SRL: variants seen among roughly 807,000 people sequenced by gnomAD.
SRL encodes sarcalumenin.
A neutral mutation model predicts 39.5 loss-of-function variants in SRL; 23 were observed. The observed-to-expected ratio is 0.58, with a 90% CI of 0.42 to 0.82. SRL has a LOEUF of 0.82. Ranked by LOEUF, SRL falls within the 40% of genes least tolerant of loss-of-function variation. The pLI is 0.00. For missense variants in SRL, 592 were observed against 607.8 expected, an observed-to-expected ratio of 0.97 and a Z score of 0.27; for synonymous variants, 272 against 237.4, an observed-to-expected ratio of 1.15 and a Z score of -1.34.
chr16:4,204,275 C>CT (rs1386861698), intron 2 of SRL, among the ~76,000 whole-genome samples: 1 of 152,202 alleles, frequency 6.6e-6, no homozygotes, highest in Non-Finnish European at 1.5e-5. Flanking sequence ...AGGCCGTCTA[C>CT]TTGGATGGCC....
intron 1 of SRL, among the ~76,000 whole-genome samples, chr16:4,206,330 A>C (rs1179046930): frequency 1.3e-5 from 2 of 152,162 alleles, no homozygotes; most frequent in African/African-American, 4.8e-5. Context: ...GTCCTAGCCC[A>C]CTAAGGGAAT....
intron 1 of SRL, among the ~76,000 whole-genome samples, chr16:4,228,465 G>A (rs1426017679): frequency 6.6e-6 from 1 of 152,132 alleles, no homozygotes; most frequent in Non-Finnish European, 1.5e-5. Context: ...GCTGGACGCA[G>A]TGGCTCACAC....
intron 1 of SRL, chr16:4,207,978 T>C: frequency 2.2e-6 from 1 of 456,742 alleles, no homozygotes; most frequent in Middle Eastern, 3.3e-4. Context: ...CAGTTTCTTG[T>C]CTTGAGGGGC....
At chr16:4,226,379 T>C (rs2052589230) in intron 1 of SRL, among the ~76,000 whole-genome samples, 1 of 151,438 alleles carries the variant, frequency 6.6e-6, no homozygotes, top group African/African-American at 2.4e-5. Flanking sequence ...AATGGAAGGA[T>C]GGATGGATGA....
chr16:4,215,374 G>A (rs192409959), intron 1 of SRL, among the ~76,000 whole-genome samples: 1 of 152,262 alleles, frequency 6.6e-6, no homozygotes, highest in East Asian at 1.9e-4. Flanking sequence ...ATTCATCCAG[G>A]GAATCAGATA....
chr16:4,209,479 T>C (rs1597278950), intron 1 of SRL, among the ~76,000 whole-genome samples: 1 of 152,092 alleles, frequency 6.6e-6, no homozygotes, highest in South Asian at 2.1e-4. Flanking sequence ...ACCTATCTGC[T>C]GGATGCAGAC....
chr16:4,192,927 G>A lies in SRL; in HGVS notation c.648C>T (p.Asp216=). Residue 216 remains aspartate (D), a synonymous_variant, in exon 6 of 6, where the codon GAC becomes GAT. Coordinates refer to ENST00000399609, the MANE Select transcript of SRL (RefSeq NM_001098814.2). This position sits in a 1 kb window ranked among gnomAD's most constrained non-coding sequence, Gnocchi z 4.0. ...PFNDVCQWFI[D]RADLIFVVFD... is the part of the protein sequence containing the mutation. ...AGACGACAAAGATGAGGTCAGCTCT[G>A]TCGATGAACCACTGGCACACGTCGT... 1 of 1,613,452 alleles carries A rather than the reference G, an allele frequency of 6.2e-7. No individual in the cohort carries two copies. The highest frequency in any genetic ancestry group is 8.5e-7 in the Non-Finnish European group (1 of 1,179,712).
chr16:4,192,092 C>T lies in SRL; in HGVS notation c.*61G>A, dbSNP rs8051399. On this transcript the variant is annotated 3_prime_UTR_variant, in exon 6 of 6. Coordinates refer to ENST00000399609, the MANE Select transcript of SRL (RefSeq NM_001098814.2). The surrounding 1 kb of genome is among the most constrained non-coding windows in gnomAD (Gnocchi z 4.0). ...GCTCAAAGGGTTAATAAACCAGGACCTCTCAGACAGTTAGGACACAAGCTG... is the reference window on the plus strand; with the variant it reads ...GCTCAAAGGGTTAATAAACCAGGACTTCTCAGACAGTTAGGACACAAGCTG... The T allele has an allele frequency of 0.5, 738,207 of 1,490,508 alleles. 184,919 individuals carry two copies. Among genetic ancestry groups the T allele is most frequent in the African/African-American group, 0.64 (45,464 of 71,092 alleles). 92.3% of individuals were successfully genotyped at this position (1,490,508 alleles called of 1,614,324 possible).
chr16:4,203,147 C>G lies in SRL; in HGVS notation c.259+19G>C, dbSNP rs761960233. 9.3e-6 allele frequency: 15 copies of G among 1,606,336 alleles called. No individual in the cohort carries two copies. The highest frequency in any genetic ancestry group is 1.2e-5 in the Non-Finnish European group (14 of 1,175,918). ...CCGTACCCGTAATCTCAAGCCCTACCTGTTATCTCAAGCCCTACCTGTGAT... is the reference window on the plus strand; with the variant it reads ...CCGTACCCGTAATCTCAAGCCCTACGTGTTATCTCAAGCCCTACCTGTGAT... On this transcript the variant is annotated intron_variant, in intron 3 of 5. Coordinates refer to ENST00000399609, the MANE Select transcript of SRL (RefSeq NM_001098814.2).
At chr16:4,215,013 C>T (rs1273309167) in intron 1 of SRL, among the ~76,000 whole-genome samples, 4 of 152,182 alleles carry the variant, frequency 2.6e-5, no homozygotes, top group Non-Finnish European at 5.9e-5. Context: ...GGTGATCCAC[C>T]CGCCTCAGCC....
chr16:4,238,185 G>C (rs2052733243), intron 1 of SRL, among the ~76,000 whole-genome samples: 1 of 152,150 alleles, frequency 6.6e-6, no homozygotes, highest in South Asian at 2.1e-4. Context: ...ATTTGGGTTT[G>C]GAGCAGGGCA....
intron 1 of SRL, among the ~76,000 whole-genome samples, chr16:4,238,452 C>A (rs1240119045): frequency 6.6e-6 from 1 of 152,182 alleles, no homozygotes; most frequent in African/African-American, 2.4e-5. Flanking sequence ...TCATCTGGAC[C>A]TCCCTCTGGG....
At chr16:4,209,718 C>A (rs989370537) in intron 1 of SRL, among the ~76,000 whole-genome samples, 4 of 152,184 alleles carry the variant, frequency 2.6e-5, no homozygotes. Context: ...TATAGAGGAG[C>A]CCCGTGGATT....
intron 5 of SRL, among the ~76,000 whole-genome samples, chr16:4,194,155 C>G (rs569963485): frequency 1.3e-5 from 2 of 152,320 alleles, no homozygotes; most frequent in African/African-American, 4.8e-5. Context: ...TACTCCATAG[C>G]CACATGCCTG....
At position 4,191,613 on chromosome 16, in the gene SRL, A is replaced by C. The variant is rs1278792587; in HGVS notation, c.*540T>G. ...CCGACAGAGCGAGACTCCGTCTCAAAAACACAAAAACAAACCCAGGTATAT... is the reference window on the plus strand; with the variant it reads ...CCGACAGAGCGAGACTCCGTCTCAACAACACAAAAACAAACCCAGGTATAT... On this transcript the variant is annotated 3_prime_UTR_variant, in exon 6 of 6. Coordinates refer to ENST00000399609, the MANE Select transcript of SRL (RefSeq NM_001098814.2). The C allele has an allele frequency of 6.5e-6, 1 of 153,040 alleles. No individual in the cohort carries two copies. Among genetic ancestry groups the C allele is most frequent in the African/African-American group, 2.4e-5 (1 of 41,472 alleles). The allele number at this position is 153,040 out of a possible 1,614,324, so 9.5% of individuals were successfully genotyped here. A position where few individuals can be genotyped will look rare whatever the true frequency, so the allele number is the denominator to read the frequency against.
rs114213129 is a variant in SRL at position 4,210,176 on chromosome 16, G to A, written c.62-5542C>T. Among the ~76,000 whole-genome samples the A allele has an allele frequency of 4.1e-3, 631 of 152,284 alleles. 3 individuals are homozygous for A. Among genetic ancestry groups the A allele is most frequent in the African/African-American group, 0.014 (568 of 41,560 alleles). On this transcript the variant is annotated intron_variant, in intron 1 of 5. Coordinates refer to ENST00000399609, the MANE Select transcript of SRL (RefSeq NM_001098814.2). ...TGGGGGACAGGACAGGGAGCTGACT[G>A]TTGCTCAGTTTAATCTCCTTTCATC...
chr16:4,223,406 C>T (rs1567186509), intron 1 of SRL, among the ~76,000 whole-genome samples: 1 of 151,814 alleles, frequency 6.6e-6, no homozygotes, highest in Non-Finnish European at 1.5e-5. Flanking sequence ...GATACAGAAT[C>T]TTGCTCTGTC....
chr16:4,227,113 G>A (rs2052601522), intron 1 of SRL, among the ~76,000 whole-genome samples: 1 of 150,130 alleles, frequency 6.7e-6, no homozygotes, highest in Non-Finnish European at 1.5e-5. Context: ...ATAAATGGGT[G>A]GATTGATGAA....
At chr16:4,226,420 T>C (rs545779146) in intron 1 of SRL, among the ~76,000 whole-genome samples, 22 of 146,730 alleles carry the variant, frequency 1.5e-4, no homozygotes, top group Non-Finnish European at 2.0e-4. Context: ...GATGGATGGA[T>C]GAATGGATGG....
Sources: allele counts gnomAD v4.1 joint callset (sites outside exome capture counted in the v4.1 genomes callset), GRCh38; gene constraint gnomAD v4.1.1; non-coding constraint Gnocchi (gnomAD v3.1); transcripts MANE v1.5; gene names NCBI Gene and HGNC (gene_info 2026-07-23, HGNC 2026-07-21).